PPM1B: variants seen among roughly 807,000 people sequenced by gnomAD.
PPM1B encodes the protein protein phosphatase, Mg2+/Mn2+ dependent 1B, also known as protein phosphatase 1B.
A neutral mutation model predicts 43.0 loss-of-function variants in PPM1B; 22 were observed. The observed-to-expected ratio is 0.51, with a 90% CI of 0.37 to 0.73. The LOEUF (loss-of-function observed/expected upper bound fraction) is 0.73. Ranked by LOEUF, PPM1B falls within the 30% of genes least tolerant of loss-of-function variation. PPM1B has a pLI of 0.00. For missense variants in PPM1B, 632 were observed against 584.2 expected (o/e 1.08, Z -0.84); for synonymous variants, 217 against 197.9 (o/e 1.10, Z -0.81).
chr2:44,206,337 G>A (rs1268865213), intron 2 of PPM1B, among the ~76,000 whole-genome samples: 2 of 152,186 alleles, frequency 1.3e-5, no homozygotes, highest in Non-Finnish European at 2.9e-5. Context: ...TTCTGTTGCT[G>A]TATAACAGCT....
intron 1 of PPM1B, among the ~76,000 whole-genome samples, chr2:44,184,487 G>A (rs1558393425): frequency 6.6e-6 from 1 of 151,952 alleles, no homozygotes; most frequent in Non-Finnish European, 1.5e-5. Flanking sequence ...TATTTACTCT[G>A]TTCTCAAGGG....
Position 44,201,400 on chromosome 2 carries a change from G to C in PPM1B, c.201G>C (p.Val67=). ...AVYDGHAGSR[V]ANYCSTHLLE... is the part of the protein sequence containing the mutation. ...ATGATGGTCATGCTGGATCCCGAGT[G>C]GCAAATTACTGCTCAACACATTTAT... The change falls in exon 2 of 6, where the codon GTG becomes GTC. Residue 67 remains valine, a synonymous_variant. Coordinates refer to ENST00000282412, the MANE Select transcript of PPM1B (RefSeq NM_002706.6). The surrounding 1 kb of genome is among the most constrained non-coding windows in gnomAD (Gnocchi z 5.4). 1 of 1,614,062 alleles carries C rather than the reference G, an allele frequency of 6.2e-7. No homozygotes were observed. Among genetic ancestry groups the C allele is most frequent in the East Asian group, 2.2e-5 (1 of 44,880 alleles).
At chr2:44,232,183 C>T, downstream of PPM1B, 1 of 1,327,794 alleles carries the variant, frequency 7.5e-7, no homozygotes, top group East Asian at 2.3e-5. Context: ...CACAACATCT[C>T]TCTGTAAAAG....
chr2:44,231,201 G>A lies in PPM1B; in HGVS notation c.*483G>A, dbSNP rs1670456465. On this transcript the variant is annotated 3_prime_UTR_variant, in exon 6 of 6. Transcript: ENST00000282412. ...GGCCTGTAATTTTTCTTTCAAGGAT[G>A]ATAATTTGTGTGTTGTTTGATTTGT... 1.0e-6 allele frequency: 1 copy of A among 984,238 alleles called. No individual in the cohort carries two copies. Among genetic ancestry groups the A allele is most frequent in the Non-Finnish European group, 1.2e-6 (1 of 828,838 alleles). 61.0% of individuals were successfully genotyped at this position (984,238 alleles called of 1,614,324 possible).
intron 1 of PPM1B, among the ~76,000 whole-genome samples, chr2:44,184,631 A>C (rs1267907934): frequency 2.0e-5 from 3 of 152,072 alleles, no homozygotes; most frequent in Non-Finnish European, 4.4e-5. Flanking sequence ...AGACATCTCT[A>C]ACTGAACATG....
chr2:44,220,190 A>G lies in PPM1B; in HGVS notation c.1134+1653A>G, dbSNP rs115155494. Among the ~76,000 whole-genome samples the G allele has an allele frequency of 4.9e-3, 750 of 151,982 alleles. 8 individuals are homozygous for G. The highest frequency in any genetic ancestry group is 0.017 in the African/African-American group (710 of 41,458). Reference sequence around the variant, plus strand: ...CTCAGAAGACAGTTATTGATTCATTATTAGCCATAGAAGTACTCCCATTTC... The same window carrying G: ...CTCAGAAGACAGTTATTGATTCATTGTTAGCCATAGAAGTACTCCCATTTC... On this transcript the variant is annotated intron_variant, in intron 5 of 5. Coordinates refer to ENST00000282412, the MANE Select transcript of PPM1B (RefSeq NM_002706.6).
At chr2:44,244,757 CCTT>C (rs1467474687), downstream of PPM1B, among the ~76,000 whole-genome samples, 3 of 146,712 alleles carry the variant, frequency 2.0e-5, no homozygotes, top group African/African-American at 7.6e-5. Flanking sequence ...ATATATTAGA[CCTT>C]TTTTTTTTTT....
downstream of PPM1B, chr2:44,232,852 T>C (rs1411626395): frequency 3.1e-6 from 3 of 970,540 alleles, no homozygotes; most frequent in South Asian, 4.8e-5. Context: ...TATTTATTAT[T>C]GATTGTTATT....
At chr2:44,172,704 G>GT in intron 1 of PPM1B, among the ~76,000 whole-genome samples, 1 of 152,126 alleles carries the variant, frequency 6.6e-6, no homozygotes, top group Non-Finnish European at 1.5e-5. Flanking sequence ...CAGATGGATT[G>GT]TTTGAGACCA....
At chr2:44,199,320 A>AAT (rs1668817916) in intron 1 of PPM1B, among the ~76,000 whole-genome samples, 1 of 98,756 alleles carries the variant, frequency 1.0e-5, no homozygotes, top group African/African-American at 4.3e-5. Context: ...AAAAAAAATA[A>AAT]AAATAAAAAA....
chr2:44,218,753 C>T (rs1669841026), intron 5 of PPM1B: 2 of 479,128 alleles, frequency 4.2e-6, no homozygotes, highest in Non-Finnish European at 7.6e-6. Context: ...TTGTCACTTT[C>T]TGGGCATCAA....
intron 1 of PPM1B, among the ~76,000 whole-genome samples, chr2:44,194,977 C>T (rs1668591831): frequency 6.6e-6 from 1 of 151,176 alleles, no homozygotes; most frequent in African/African-American, 2.4e-5. Flanking sequence ...CTGCAGCCTC[C>T]ACCTCTCAGG....
intron 5 of PPM1B, among the ~76,000 whole-genome samples, chr2:44,224,279 C>A (rs542940075): frequency 6.6e-6 from 1 of 151,922 alleles, no homozygotes; most frequent in South Asian, 2.1e-4. Flanking sequence ...CATGGTGATA[C>A]CCTGCCTCTA....
rs747921578 is a variant in PPM1B, at chr2:44,201,431, C to T, written c.232C>T (p.His78Tyr). 7 of 1,614,052 alleles carry T rather than the reference C, an allele frequency of 4.3e-6. No homozygotes were observed. The East Asian group carries it at 1.3e-4, about 31-fold the overall frequency. The change falls in exon 2 of 6, where the codon CAC becomes TAC. Residue 78 changes from histidine (H) to tyrosine (Y), a missense_variant. This residue lies in a region of PPM1B where 200 missense variants were observed against 200.7 expected (regional missense o/e 1.00). Coordinates refer to ENST00000282412, the MANE Select transcript of PPM1B (RefSeq NM_002706.6). The surrounding 1 kb of genome is among the most constrained non-coding windows in gnomAD (Gnocchi z 5.4). ...TTACTGCTCAACACATTTATTAGAACACATCACTACTAACGAAGACTTTAG... is the reference window on the plus strand; with the variant it reads ...TTACTGCTCAACACATTTATTAGAATACATCACTACTAACGAAGACTTTAG... ...ANYCSTHLLE[H>Y]ITTNEDFRAA...
At chr2:44,170,458 T>C (rs1020378851) in intron 1 of PPM1B, among the ~76,000 whole-genome samples, 1 of 152,258 alleles carries the variant, frequency 6.6e-6, no homozygotes, top group African/African-American at 2.4e-5. Context: ...CGTTTACAAC[T>C]ACGGTGATGT....
At chr2:44,200,387 G>C (rs923747575) in intron 1 of PPM1B, among the ~76,000 whole-genome samples, 2 of 152,198 alleles carry the variant, frequency 1.3e-5, no homozygotes, top group African/African-American at 4.8e-5. Flanking sequence ...AGTTGGGTAG[G>C]CGGGGAGAGG....
intron 1 of PPM1B, among the ~76,000 whole-genome samples, chr2:44,186,541 G>A (rs1010879208): frequency 6.6e-6 from 1 of 151,774 alleles, no homozygotes; most frequent in African/African-American, 2.4e-5. Context: ...GTTAATTTTT[G>A]AAGTTTTTTT....
chr2:44,225,389 A>G (rs964426795), intron 5 of PPM1B, among the ~76,000 whole-genome samples: 3 of 152,214 alleles, frequency 2.0e-5, no homozygotes, highest in African/African-American at 4.8e-5. Context: ...AACCTAGATA[A>G]TAGGTTTCTC....
chr2:44,244,998 C>A (rs893485618), downstream of PPM1B, among the ~76,000 whole-genome samples: 2 of 151,780 alleles, frequency 1.3e-5, no homozygotes, highest in Admixed American at 1.3e-4. Context: ...GTGTACAATA[C>A]TAAACTAATG....
Sources: gnomAD v4.1 joint callset for allele counts (sites outside exome capture counted in the v4.1 genomes callset) on GRCh38, gnomAD v4.1.1 for gene constraint, gnomAD v4.1.1 regional missense constraint, Gnocchi (gnomAD v3.1) non-coding constraint, MANE v1.5 for transcripts, NCBI Gene and HGNC (gene_info 2026-07-23, HGNC 2026-07-21) for gene names.